BOC: variants seen among roughly 807,000 people sequenced by gnomAD.
BOC encodes the protein brother of CDO.
Under a neutral mutation model 112.0 loss-of-function variants are expected in BOC, and 76 were observed. The observed-to-expected ratio is 0.68, with a 90% CI of 0.56 to 0.82. BOC has a LOEUF of 0.82. BOC is among the 40% of genes least tolerant of loss of function. BOC has a pLI of 0.00. For missense variants in BOC, 1,309 were observed against 1,511.7 expected (o/e 0.87, Z 2.22); for synonymous variants, 580 against 599.8 (o/e 0.97, Z 0.48).
At chr3:113,259,298 A>G (rs1946557302) in intron 4 of BOC, among the ~76,000 whole-genome samples, 1 of 152,230 alleles carries the variant, frequency 6.6e-6, no homozygotes, top group South Asian at 2.1e-4. Context: ...AAATGCTTAA[A>G]TACAATACTG....
chr3:113,221,254 T>G (rs1003862828), intron 2 of BOC, among the ~76,000 whole-genome samples: 1 of 151,364 alleles, frequency 6.6e-6, no homozygotes, highest in African/African-American at 2.4e-5. Flanking sequence ...AGGAACAGAG[T>G]GAAAGGAGGG....
chr3:113,271,257 G>A lies in BOC; in HGVS notation c.667+313G>A, dbSNP rs1448591632. 1.5e-5 allele frequency: 8 copies of A among 541,238 alleles called. No homozygotes were observed. In the Admixed American group the frequency reaches 1.6e-4, roughly 11 times the overall value. 33.5% of individuals were successfully genotyped at this position (541,238 alleles called of 1,614,324 possible). The stretch of plus-strand genomic sequence containing the variant: ...TGTGTGTGCTGGGACAGGACGGTGG[G>A]TCTTGTCTCAAGCTCAGCAGCGGAC... On this transcript the variant is annotated intron_variant, in intron 6 of 19. Coordinates refer to ENST00000682979, the MANE Select transcript of BOC (RefSeq NM_001378074.1).
intron 12 of BOC, 40 bp downstream of exon 12, chr3:113,279,495 C>T (rs745635843): frequency 3.2e-6 from 5 of 1,584,584 alleles, no homozygotes; most frequent in East Asian, 2.3e-5. Flanking sequence ...CCTGATCCCC[C>T]AGCTGCCCCT....
rs534428469 is a variant in BOC, at chr3:113,264,430, G to C, written c.377-3869G>C. 6.6e-5 allele frequency among the ~76,000 whole-genome samples: 10 copies of C among 152,314 alleles called. No homozygotes were observed. The South Asian group carries it at 1.9e-3, about 28-fold the overall frequency. On this transcript the variant is annotated intron_variant, in intron 4 of 19. Coordinates refer to ENST00000682979, the MANE Select transcript of BOC (RefSeq NM_001378074.1). ...CCCATGAAACCTGATCCATCTTTCT[G>C]CAGCGGAGGCCTGCTAACCCTATTT... is the stretch of plus-strand genomic sequence containing the variant.
rs58781225 is a variant in BOC at position 113,247,500 on chromosome 3, G to GAAAAA, written c.-81-2209_-81-2205dup. ...CCCACTGGTTTCAGAGCCCTGATAG[G>GAAAAA]AAAAAAAAAAAAAAAAAGGGAAAAA... On this transcript the variant is annotated intron_variant, in intron 2 of 19. Coordinates refer to ENST00000682979, the MANE Select transcript of BOC (RefSeq NM_001378074.1). Among the ~76,000 whole-genome samples, 199 of 125,778 alleles carry GAAAAA rather than the reference G, an allele frequency of 1.6e-3. 1 individual carries two copies. Among genetic ancestry groups the GAAAAA allele is most frequent in the African/African-American group, 4.5e-3 (144 of 31,730 alleles). The allele number at this position is 125,778 out of a possible 152,430, so 82.5% of individuals were successfully genotyped here.
intron 8 of BOC, 149 bp downstream of exon 8, chr3:113,273,490 A>T: frequency 1.1e-6 from 1 of 907,632 alleles, no homozygotes; most frequent in Non-Finnish European, 1.6e-6. Flanking sequence ...AATAAATCTG[A>T]AGTACAGATT....
In BOC at chr3:113,238,239, A is replaced by G. The variant is rs149879591; in HGVS notation, c.-81-11483A>G. On this transcript the variant is annotated intron_variant, in intron 2 of 19. Transcript: ENST00000682979. The stretch of plus-strand genomic sequence containing the variant: ...TGAAAATGCAGCCTCCCCAGATTTT[A>G]GGGCTTACGGGAGGCAGACAGAGGA... Among the ~76,000 whole-genome samples the G allele has an allele frequency of 6.7e-3, 1,016 of 152,322 alleles. 6 individuals carry two copies. Among genetic ancestry groups the G allele is most frequent in the South Asian group, 0.03 (144 of 4,820 alleles).
chr3:113,248,171 C>T (rs555619619), intron 2 of BOC, among the ~76,000 whole-genome samples: 21 of 152,326 alleles, frequency 1.4e-4, no homozygotes, highest in African/African-American at 5.1e-4. Context: ...CTCCTCACTC[C>T]CTCTGCAGCC....
chr3:113,222,709 G>A lies in BOC; in HGVS notation c.-82+6435G>A, dbSNP rs573357054. ...AGGCCTGGCTAGGAGACGCAGGGGG[G>A]TGCCCAGCTCACACTCTCATACCAC... On this transcript the variant is annotated intron_variant, in intron 2 of 19. Transcript: ENST00000682979. 2.0e-5 allele frequency among the ~76,000 whole-genome samples: 3 copies of A among 152,112 alleles called. No individual in the cohort carries two copies. In the East Asian group the frequency reaches 5.8e-4, roughly 29 times the overall value.
chr3:113,282,009 A>C (rs1448675422), intron 15 of BOC, among the ~76,000 whole-genome samples: 3 of 152,190 alleles, frequency 2.0e-5, no homozygotes, highest in Non-Finnish European at 2.9e-5. Context: ...AAGCCTTCAC[A>C]CTGGTCTTCT....
chr3:113,284,277 T>C (rs1053411301), intron 16 of BOC, 58 bp from the exon 17 acceptor site: 18 of 1,483,478 alleles, frequency 1.2e-5, no homozygotes, highest in Admixed American at 1.0e-4. Flanking sequence ...GTGGGGCTTT[T>C]CCAACCCATC....
intron 2 of BOC, among the ~76,000 whole-genome samples, chr3:113,232,049 G>C (rs1942696334): frequency 6.6e-6 from 1 of 152,092 alleles, no homozygotes; most frequent in Non-Finnish European, 1.5e-5. Context: ...ACCTCAGCAG[G>C]GGGATCCTCT....
intron 2 of BOC, among the ~76,000 whole-genome samples, chr3:113,238,358 G>T (rs574873337): frequency 2.0e-5 from 3 of 152,264 alleles, no homozygotes; most frequent in African/African-American, 7.2e-5. Context: ...AGCAATCAGA[G>T]TTGTGTCTGT....
intron 2 of BOC, among the ~76,000 whole-genome samples, chr3:113,233,199 G>A (rs968801792): frequency 8.0e-5 from 12 of 149,084 alleles, no homozygotes; most frequent in Non-Finnish European, 1.2e-4. Context: ...GTGTGTGTCG[G>A]GGGTTGGAGC....
chr3:113,282,688 G>C (rs542843248), intron 15 of BOC, among the ~76,000 whole-genome samples: 2 of 152,136 alleles, frequency 1.3e-5, no homozygotes, highest in East Asian at 3.9e-4. Context: ...TATACAGAGA[G>C]TACAGACGGG....
At chr3:113,268,809 T>C (rs1345712823) in intron 5 of BOC, among the ~76,000 whole-genome samples, 1 of 152,128 alleles carries the variant, frequency 6.6e-6, no homozygotes, top group Non-Finnish European at 1.5e-5. Flanking sequence ...AGTCTTGCTA[T>C]GTTGCCCAGG....
chr3:113,234,908 A>G (rs13322086), intron 2 of BOC, among the ~76,000 whole-genome samples: 8,898 of 152,224 alleles, frequency 0.058, 476 homozygotes, highest in African/African-American at 0.15. Flanking sequence ...GCTTCCTGGG[A>G]TAATACACTG....
chr3:113,285,354 T>C lies in BOC; in HGVS notation c.2967-18T>C, dbSNP rs779374985. The stretch of plus-strand genomic sequence containing the variant: ...CCCTGCCCAGCCCCACCTCCCCATC[T>C]GGGCTTGTGCACTGCAGGGGTCCCA... On this transcript the variant is annotated intron_variant, in intron 18 of 19. Coordinates refer to ENST00000682979, the MANE Select transcript of BOC (RefSeq NM_001378074.1). The C allele has an allele frequency of 6.2e-7, 1 of 1,611,302 alleles. No homozygotes were observed. Among genetic ancestry groups the C allele is most frequent in the African/African-American group, 1.3e-5 (1 of 74,856 alleles).
chr3:113,259,203 A>G (rs931888248), intron 4 of BOC, among the ~76,000 whole-genome samples: 1 of 152,184 alleles, frequency 6.6e-6, no homozygotes, highest in South Asian at 2.1e-4. Context: ...CCTCAGGTTC[A>G]TAGTGCATCT....
Sources: gnomAD v4.1 joint callset for allele counts (sites outside exome capture counted in the v4.1 genomes callset) on GRCh38, gnomAD v4.1.1 for gene constraint, MANE v1.5 for transcripts, NCBI Gene and HGNC (gene_info 2026-07-23, HGNC 2026-07-21) for gene names.